The following MTHFD1L variants were observed in gnomAD, a reference collection of about 807,000 sequenced individuals.
MTHFD1L encodes monofunctional C1-tetrahydrofolate synthase, mitochondrial.
MTHFD1L carries 81 observed loss-of-function variants against 119.5 expected under a neutral mutation model. The observed-to-expected ratio is 0.68, with a 90% confidence interval of 0.57 to 0.82. The LOEUF is 0.82. Among genes scored for constraint, MTHFD1L ranks in the 40% least tolerant of loss-of-function variants. The probability of loss-of-function intolerance (pLI) is 0.00; values close to 1 mark genes in which losing one functional copy is unlikely to be tolerated. For missense variants in MTHFD1L, 1,125 were observed against 1,253.4 expected, an observed-to-expected ratio of 0.90 and a Z score of 1.55; for synonymous variants, 430 against 475.2, an observed-to-expected ratio of 0.90 and a Z score of 1.24.
intron 20 of MTHFD1L, among the ~76,000 whole-genome samples, chr6:150,984,848 G>T (rs1006898132): frequency 6.6e-6 from 1 of 152,244 alleles, no homozygotes; most frequent in Non-Finnish European, 1.5e-5. Context: ...TATAATTCAT[G>T]TGTCATTTTC....
intron 20 of MTHFD1L, among the ~76,000 whole-genome samples, chr6:150,985,660 C>CAAAAAAA (rs71014533): frequency 1.0e-4 from 8 of 78,952 alleles, no homozygotes; most frequent in Admixed American, 2.8e-4. Context: ...GACTCTGTCT[C>CAAAAAAA]AAAAAAAAAA....
chr6:150,926,479 C>T lies in MTHFD1L; in HGVS notation c.1256+184C>T, dbSNP rs558757363. Among the ~76,000 whole-genome samples, 13 of 152,212 alleles carry T rather than the reference C, an allele frequency of 8.5e-5. No individual in the cohort carries two copies. Among genetic ancestry groups the T allele is most frequent in the Admixed American group, 2.0e-4 (3 of 15,284 alleles). On this transcript the variant is annotated intron_variant, in intron 11 of 27. Transcript: ENST00000367321. The surrounding 1 kb of genome is among the most constrained non-coding windows in gnomAD (Gnocchi z 4.3). ...TATTTTCAGTGCAGAGCAAACTAGT[C>T]GACTCTACACAAGATAAAGTCAAAC...
intron 1 of MTHFD1L, among the ~76,000 whole-genome samples, chr6:150,869,620 G>A (rs1779055673): frequency 6.6e-6 from 1 of 151,996 alleles, no homozygotes; most frequent in South Asian, 2.1e-4. Flanking sequence ...GCCTCCCAAA[G>A]TGCTGAGATT....
chr6:150,900,489 C>T (rs77149879), intron 7 of MTHFD1L, among the ~76,000 whole-genome samples: 2 of 152,156 alleles, frequency 1.3e-5, no homozygotes, highest in African/African-American at 2.4e-5. Context: ...TTAACCATCA[C>T]CTAAATGCTG....
intron 26 of MTHFD1L, among the ~76,000 whole-genome samples, chr6:151,037,957 A>G (rs1262277288): frequency 1.3e-5 from 2 of 152,270 alleles, no homozygotes; most frequent in Non-Finnish European, 2.9e-5. Flanking sequence ...TCTGAGCTTA[A>G]ACAGCATACA....
At chr6:151,068,348 T>C (rs1791555651) in intron 26 of MTHFD1L, among the ~76,000 whole-genome samples, 1 of 152,246 alleles carries the variant, frequency 6.6e-6, no homozygotes, top group African/African-American at 2.4e-5. Flanking sequence ...ATCTTATCAG[T>C]GATGGAGATG....
At chr6:150,946,880 C>T (rs1794037025) in intron 15 of MTHFD1L, among the ~76,000 whole-genome samples, 1 of 151,768 alleles carries the variant, frequency 6.6e-6, no homozygotes, top group Non-Finnish European at 1.5e-5. Context: ...TTGAGACCAT[C>T]CTGGCTAACA....
intron 20 of MTHFD1L, among the ~76,000 whole-genome samples, chr6:151,007,326 G>A (rs1392857115): frequency 6.6e-6 from 1 of 151,512 alleles, no homozygotes; most frequent in Non-Finnish European, 1.5e-5. Flanking sequence ...CAGGGCTTCA[G>A]GGTAGTGACC....
chr6:150,971,414 G>GTCTTGAACTCCTGACCTC (rs1797986815), intron 19 of MTHFD1L, among the ~76,000 whole-genome samples: 1 of 152,142 alleles, frequency 6.6e-6, no homozygotes, highest in Non-Finnish European at 1.5e-5. Context: ...GGCCAGGCCA[G>GTCTTGAACTCCTGACCTC]TCTTGAACTC....
intron 6 of MTHFD1L, 27 bp downstream of exon 6, chr6:150,885,761 T>C: frequency 6.6e-7 from 1 of 1,513,504 alleles, no homozygotes; most frequent in Non-Finnish European, 9.2e-7. Context: ...GAAATGCCGC[T>C]GATTTCTATT....
intron 17 of MTHFD1L, among the ~76,000 whole-genome samples, chr6:150,957,766 A>C (rs1795851176): frequency 6.6e-6 from 1 of 152,194 alleles, no homozygotes; most frequent in Admixed American, 6.5e-5. Context: ...AAAACTTTGA[A>C]GTAAAATACT....
chr6:150,899,290 A>G (rs1413103634), intron 7 of MTHFD1L, among the ~76,000 whole-genome samples: 1 of 152,224 alleles, frequency 6.6e-6, no homozygotes, highest in Non-Finnish European at 1.5e-5. Context: ...GATTTATGAA[A>G]TAATCATAAG....
intron 6 of MTHFD1L, among the ~76,000 whole-genome samples, chr6:150,886,378 G>A (rs559939552): frequency 2.2e-4 from 32 of 143,712 alleles, no homozygotes; most frequent in Admixed American, 1.4e-3. Context: ...TGAGGTTACA[G>A]TGAGCTGTGA....
chr6:151,014,736 T>A, intron 22 of MTHFD1L, 144 bp from the exon 23 acceptor site: 2 of 616,922 alleles, frequency 3.2e-6, no homozygotes, highest in South Asian at 4.0e-5. Context: ...ACGAACCTCT[T>A]TATTCTTGCA....
intron 24 of MTHFD1L, among the ~76,000 whole-genome samples, chr6:151,020,189 T>C (rs182675999): frequency 3.0e-4 from 45 of 152,280 alleles, no homozygotes; most frequent in African/African-American, 9.1e-4. Flanking sequence ...ACCCCAGTCT[T>C]GTGGAAGGAA....
intron 5 of MTHFD1L, among the ~76,000 whole-genome samples, chr6:150,885,227 C>T (rs34482073): frequency 0.31 from 44,867 of 146,200 alleles, 7,210 homozygotes; most frequent in Admixed American, 0.41. Context: ...GATGGAGTCT[C>T]GCTCTGTTGC....
intron 26 of MTHFD1L, among the ~76,000 whole-genome samples, chr6:151,038,832 T>G (rs1356687040): frequency 6.6e-6 from 1 of 152,094 alleles, no homozygotes; most frequent in Non-Finnish European, 1.5e-5. Context: ...CCGTTCTAGC[T>G]TGGTGACTCT....
rs1211243722 is a variant in MTHFD1L at position 150,885,665 on chromosome 6, C to T, written c.574C>T (p.Arg192Ter). Residue 192 changes from arginine (R) to a stop codon, truncating the protein, a stop_gained, in exon 6 of 28, where the codon CGA becomes TGA. Coordinates refer to ENST00000367321, the MANE Select transcript of MTHFD1L (RefSeq NM_015440.5). LOFTEE classifies it high-confidence loss of function. ...AGACATAAACCTGGGGAAGCTGGTG[C>T]GAGGGGATGCCCATGAATGTTTTGT... Reference protein sequence around the residue: ...VTDINLGKLVRGDAHECFVSP... With the variant: ...VTDINLGKLV 5 of 1,613,920 alleles carry T rather than the reference C, an allele frequency of 3.1e-6. No individual in the cohort carries two copies. Among genetic ancestry groups the T allele is most frequent in the East Asian group, 2.2e-5 (1 of 44,878 alleles).
At chr6:151,049,166 G>A (rs1788584551) in intron 26 of MTHFD1L, among the ~76,000 whole-genome samples, 2 of 152,184 alleles carry the variant, frequency 1.3e-5, no homozygotes, top group Admixed American at 1.3e-4. Context: ...GACCAGCCTG[G>A]CCAACATGGT....
Sources: gnomAD v4.1 joint callset for allele counts (sites outside exome capture counted in the v4.1 genomes callset) on GRCh38, gnomAD v4.1.1 for gene constraint, Gnocchi (gnomAD v3.1) non-coding constraint, MANE v1.5 for transcripts, NCBI Gene and HGNC (gene_info 2026-07-23, HGNC 2026-07-21) for gene names.